The following CCDC88C variants were observed in gnomAD, a reference collection of about 807,000 sequenced individuals.
The protein encoded by CCDC88C is coiled-coil and HOOK domain protein 88C, also known as protein Daple.
A neutral mutation model predicts 198.8 loss-of-function variants in CCDC88C; 131 were observed. The observed-to-expected ratio is 0.66, with a 90% CI of 0.57 to 0.76. The LOEUF is 0.76. Ranked by LOEUF, CCDC88C falls within the 30% of genes least tolerant of loss-of-function variation. CCDC88C has a pLI of 0.00. For synonymous variants in CCDC88C, 1,166 were observed against 1,114.7 expected (o/e 1.05, Z -0.92); for missense variants, 2,553 against 2,631.6 (o/e 0.97, Z 0.65).
At chr14:91,320,602 T>C (rs1214503391) in intron 13 of CCDC88C, among the ~76,000 whole-genome samples, 1 of 152,178 alleles carries the variant, frequency 6.6e-6, no homozygotes, top group Non-Finnish European at 1.5e-5. Context: ...CGGACTTGGA[T>C]TGGCACCTGA....
Position 91,290,976 on chromosome 14 carries a change from TA to T in CCDC88C, c.4202+18del. On this transcript the variant is annotated intron_variant, in intron 24 of 29. Transcript: ENST00000389857. ...CTTTTAAGTTCTGTCTTTATGCCAC[TA>T]CACTTAAATCAACTCACTTCTTTGG... 1 of 1,455,206 alleles carries T rather than the reference TA, an allele frequency of 6.9e-7. No homozygotes were observed. The highest frequency in any genetic ancestry group is 9.6e-7 in the Non-Finnish European group (1 of 1,046,270). 90.1% of individuals were successfully genotyped at this position (1,455,206 alleles called of 1,614,324 possible). A position where few individuals can be genotyped will look rare whatever the true frequency, so the allele number is the denominator to read the frequency against.
At chr14:91,361,112 G>A (rs1302878311) in intron 3 of CCDC88C, among the ~76,000 whole-genome samples, 4 of 144,072 alleles carry the variant, frequency 2.8e-5, no homozygotes, top group East Asian at 2.0e-4. Context: ...CCTGGGTGAC[G>A]AGTAAAACCC....
At chr14:91,363,775 A>G (rs1232916247) in intron 3 of CCDC88C, among the ~76,000 whole-genome samples, 1 of 152,244 alleles carries the variant, frequency 6.6e-6, no homozygotes, top group African/African-American at 2.4e-5. Context: ...ACTGGTGGCT[A>G]CTGGGCCCCA....
rs559253122 is a variant in CCDC88C, at chr14:91,362,614, CAT to C, written c.271-2905_271-2904del. Among the ~76,000 whole-genome samples the C allele has an allele frequency of 6.0e-4, 92 of 152,228 alleles. 1 individual carries two copies. In the Middle Eastern group the frequency reaches 0.014, roughly 23 times the overall value. On this transcript the variant is annotated intron_variant, in intron 3 of 29. Transcript: ENST00000389857. ...TACTTTCTAGTTTTCCCACAAGAAACATGTGTCATTTGTGCAATTAAGAAATA... is the reference window on the plus strand; with the variant it reads ...TACTTTCTAGTTTTCCCACAAGAAACGTGTCATTTGTGCAATTAAGAAATA...
At chr14:91,281,857 A>G (rs941460202) in intron 26 of CCDC88C, among the ~76,000 whole-genome samples, 7 of 152,206 alleles carry the variant, frequency 4.6e-5, no homozygotes, top group African/African-American at 1.7e-4. Context: ...TTCCAGTCTC[A>G]GAGGCCAGCC....
chr14:91,301,207 GAGA>G (rs1407327832), intron 20 of CCDC88C, among the ~76,000 whole-genome samples: 3 of 152,334 alleles, frequency 2.0e-5, no homozygotes, highest in African/African-American at 4.8e-5. Context: ...AGTGTCAAAT[GAGA>G]AGAAGAGAAA....
At position 91,313,094 on chromosome 14, in the gene CCDC88C, T is replaced by C. The variant is rs1291362871; in HGVS notation, c.2722A>G (p.Thr908Ala). 6 of 1,586,782 alleles carry C rather than the reference T, an allele frequency of 3.8e-6. No homozygotes were observed. The highest frequency in any genetic ancestry group is 5.2e-6 in the Non-Finnish European group (6 of 1,163,538). ...KQVTVHARTL[T>A]TLREDLVLEK... ...TGTTTGCTCACCTCCCTCAGAGTTG[T>C]CAGTGTCCTTGCATGCACGGTGACT... The change falls in exon 15 of 30, where the codon ACA (threonine) becomes GCA (alanine). Residue 908 changes from threonine to alanine, a missense_variant. Coordinates refer to ENST00000389857, the MANE Select transcript of CCDC88C (RefSeq NM_001080414.4). The surrounding 1 kb of genome is among the most constrained non-coding windows in gnomAD (Gnocchi z 5.2).
chr14:91,320,416 G>T (rs1019257101), intron 13 of CCDC88C, among the ~76,000 whole-genome samples: 2 of 152,286 alleles, frequency 1.3e-5, no homozygotes, highest in Non-Finnish European at 2.9e-5. Context: ...GCAGAGGACA[G>T]GGTAGCGTGG....
At chr14:91,301,481 C>T (rs142643727) in intron 20 of CCDC88C, among the ~76,000 whole-genome samples, 3,872 of 152,264 alleles carry the variant, frequency 0.025, 93 homozygotes, top group Non-Finnish European at 0.037. Flanking sequence ...TTTGGGAGGC[C>T]GAGACAGGTG....
At chr14:91,377,414 T>G (rs1210535188) in intron 3 of CCDC88C, among the ~76,000 whole-genome samples, 1 of 152,122 alleles carries the variant, frequency 6.6e-6, no homozygotes, top group Non-Finnish European at 1.5e-5. Flanking sequence ...GCGCGGTTAT[T>G]CACTCCCTGA....
At chr14:91,414,038 C>T (rs1808807508) in intron 2 of CCDC88C, among the ~76,000 whole-genome samples, 1 of 152,096 alleles carries the variant, frequency 6.6e-6, no homozygotes, top group Non-Finnish European at 1.5e-5. Flanking sequence ...AGTCTAAATG[C>T]GGGGCTAGGA....
Position 91,273,703 on chromosome 14 carries a change from T to A in CCDC88C, c.5059-50A>T. The A allele has an allele frequency of 1.4e-6, 2 of 1,392,930 alleles. No homozygotes were observed. Among genetic ancestry groups the A allele is most frequent in the Middle Eastern group, 1.9e-4 (1 of 5,218 alleles). The allele number at this position is 1,392,930 out of a possible 1,614,324, so 86.3% of individuals were successfully genotyped here. Reference sequence around the variant, plus strand: ...GAGGTGGGCATGAGGGTTGGGTGGGTCCTTGGAGCCGCCTCCTGCGCGGGA... The same window carrying A: ...GAGGTGGGCATGAGGGTTGGGTGGGACCTTGGAGCCGCCTCCTGCGCGGGA... On this transcript the variant is annotated intron_variant, in intron 29 of 29. Coordinates refer to ENST00000389857, the MANE Select transcript of CCDC88C (RefSeq NM_001080414.4). This position sits in a 1 kb window ranked among gnomAD's most constrained non-coding sequence, Gnocchi z 5.6.
At chr14:91,414,505 C>T (rs1168786007) in intron 2 of CCDC88C, among the ~76,000 whole-genome samples, 1 of 152,184 alleles carries the variant, frequency 6.6e-6, no homozygotes, top group Non-Finnish European at 1.5e-5. Context: ...ATACTCCAGC[C>T]ACTCTGCAGG....
chr14:91,321,537 C>T (rs17127235), intron 12 of CCDC88C, among the ~76,000 whole-genome samples: 8,550 of 152,280 alleles, frequency 0.056, 257 homozygotes, highest in Non-Finnish European at 0.065. Context: ...CTCAAGAAGG[C>T]GGCAGGTTAC....
chr14:91,375,556 C>A (rs956072266), intron 3 of CCDC88C, among the ~76,000 whole-genome samples: 1 of 152,152 alleles, frequency 6.6e-6, no homozygotes, highest in Admixed American at 6.5e-5. Context: ...GCGCACAGAC[C>A]CGCCCCGGCA....
rs1894215759 is a variant in CCDC88C, at chr14:91,359,721, C to G, written c.271-10G>C. ...GCTGCTGGAGAACTTCCTGCAGAAA[C>G]AAAGGGGGAAAAGATACCATTAAGA... On this transcript the variant is annotated splice_polypyrimidine_tract_variant and intron_variant, in intron 3 of 29. Coordinates refer to ENST00000389857, the MANE Select transcript of CCDC88C (RefSeq NM_001080414.4). 1 of 1,606,080 alleles carries G rather than the reference C, an allele frequency of 6.2e-7. No homozygotes were observed.
chr14:91,389,668 C>T (rs1289654941), intron 3 of CCDC88C, among the ~76,000 whole-genome samples: 2 of 146,176 alleles, frequency 1.4e-5, no homozygotes, highest in Admixed American at 1.4e-4. Context: ...TCACTTGAAC[C>T]CAGGAGTTCC....
At chr14:91,407,551 C>G (rs1886570018) in intron 3 of CCDC88C, among the ~76,000 whole-genome samples, 1 of 152,148 alleles carries the variant, frequency 6.6e-6, no homozygotes, top group Admixed American at 6.5e-5. Flanking sequence ...TCCCGGGAAC[C>G]CAGACAGATG....
At chr14:91,383,469 CAG>C (rs1400918479) in intron 3 of CCDC88C, among the ~76,000 whole-genome samples, 3 of 152,140 alleles carry the variant, frequency 2.0e-5, no homozygotes. Flanking sequence ...CTTGGGCACT[CAG>C]ATGTCCGGGA....
Sources: gnomAD v4.1 joint callset for allele counts (sites outside exome capture counted in the v4.1 genomes callset) on GRCh38, gnomAD v4.1.1 for gene constraint, Gnocchi (gnomAD v3.1) non-coding constraint, MANE v1.5 for transcripts, NCBI Gene and HGNC (gene_info 2026-07-23, HGNC 2026-07-21) for gene names.